The following CHN2 variants were observed in gnomAD, a reference collection of about 807,000 sequenced individuals.
CHN2 encodes the protein chimerin 2.
CHN2 carries 35 observed loss-of-function variants against 56.3 expected under a neutral mutation model. That is an observed-to-expected ratio of 0.62 (90% CI 0.47 to 0.82). CHN2 has a LOEUF of 0.82. Ranked by LOEUF, CHN2 falls within the 40% of genes least tolerant of loss-of-function variation. The probability of loss-of-function intolerance (pLI) is 0.00; values close to 1 mark genes in which losing one functional copy is unlikely to be tolerated. For synonymous variants in CHN2, 210 were observed against 212.8 expected (o/e 0.99, Z 0.12); for missense variants, 491 against 580.5 (o/e 0.85, Z 1.58).
intron 1 of CHN2, among the ~76,000 whole-genome samples, chr7:29,332,329 A>C (rs925068689): frequency 1.3e-5 from 2 of 152,132 alleles, no homozygotes; most frequent in Non-Finnish European, 2.9e-5. Context: ...AGATAATTGT[A>C]AAATACTTAG....
intron 6 of CHN2, among the ~76,000 whole-genome samples, chr7:29,438,243 A>G (rs1159484998): frequency 6.6e-6 from 1 of 152,216 alleles, no homozygotes; most frequent in Non-Finnish European, 1.5e-5. Flanking sequence ...AACCATTAAA[A>G]TTTTTTACCT....
chr7:29,426,328 TA>T (rs1466011588), intron 6 of CHN2, among the ~76,000 whole-genome samples: 1 of 151,380 alleles, frequency 6.6e-6, no homozygotes, highest in Non-Finnish European at 1.5e-5. Context: ...TGGTTAATAA[TA>T]AACAATTATG....
chr7:29,242,759 GAAAAAAAAAA>G (rs57273690), intron 1 of CHN2, among the ~76,000 whole-genome samples: 20,523 of 59,658 alleles, frequency 0.34, 2,162 homozygotes, highest in East Asian at 0.63. Flanking sequence ...CTTTCCTTCT[GAAAAAAAAAA>G]AAAAAAAAAA....
rs542640480 is a variant in CHN2, at chr7:29,254,033, T to A, written c.49+59043T>A. ...GATTCTCCTGCCTCAGCCTCCTGAG[T>A]AGTTGAGATTACAGGCCTGCGCCAC... On this transcript the variant is annotated intron_variant, in intron 1 of 12. Coordinates refer to ENST00000222792, the MANE Select transcript of CHN2 (RefSeq NM_004067.4). Among the ~76,000 whole-genome samples the A allele has an allele frequency of 2.6e-5, 4 of 152,226 alleles. No individual in the cohort carries two copies. In the South Asian group the frequency reaches 8.3e-4, roughly 32 times the overall value.
chr7:29,219,088 G>C (rs570499400), intron 1 of CHN2, among the ~76,000 whole-genome samples: 1 of 152,134 alleles, frequency 6.6e-6, no homozygotes, highest in Admixed American at 6.5e-5. Flanking sequence ...CCTGAATCAC[G>C]AGGAATGGGT....
intron 6 of CHN2, among the ~76,000 whole-genome samples, chr7:29,435,651 T>G (rs1783163255): frequency 6.6e-6 from 1 of 152,176 alleles, no homozygotes. Context: ...TATAATCTTA[T>G]GGACCACCAT....
chr7:29,407,781 C>A (rs1483099386), intron 6 of CHN2, among the ~76,000 whole-genome samples: 2 of 152,196 alleles, frequency 1.3e-5, no homozygotes, highest in Non-Finnish European at 2.9e-5. Context: ...TTGTTTTAAA[C>A]CAGAATTCCC....
intron 11 of CHN2, 48 bp from the exon 12 acceptor site, chr7:29,509,253 T>C: frequency 7.0e-7 from 1 of 1,423,344 alleles, no homozygotes; most frequent in Non-Finnish European, 9.8e-7. Flanking sequence ...CTCTGAAAAC[T>C]TGAATGCCAC....
In CHN2 at chr7:29,445,205, A is replaced by G. The variant is rs1291070997; in HGVS notation, c.577-35074A>G. 1.3e-5 allele frequency: 6 copies of G among 455,402 alleles called. No individual in the cohort carries two copies. In the Admixed American group the frequency reaches 1.4e-4, roughly 11 times the overall value. The allele number at this position is 455,402 out of a possible 1,614,324, so 28.2% of individuals were successfully genotyped here. A position where few individuals can be genotyped will look rare whatever the true frequency, so the allele number is the denominator to read the frequency against. ...GGAGCCCAGACCCACAGAATAAGTA[A>G]GAGTCCCAGCTAGATTCTTATTGGG... On this transcript the variant is annotated intron_variant, in intron 6 of 12. Coordinates refer to ENST00000222792, the MANE Select transcript of CHN2 (RefSeq NM_004067.4).
chr7:29,403,249 A>G (rs1802367326), intron 6 of CHN2, among the ~76,000 whole-genome samples: 1 of 143,602 alleles, frequency 7.0e-6, no homozygotes, highest in African/African-American at 2.6e-5. Context: ...AAAGGCAGTC[A>G]GTGGTCCATT....
intron 2 of CHN2, among the ~76,000 whole-genome samples, chr7:29,158,715 T>A (rs1794767547): frequency 6.6e-6 from 1 of 152,200 alleles, no homozygotes; most frequent in Non-Finnish European, 1.5e-5. Context: ...AATATAAAAG[T>A]GTTCCTGGAG....
intron 1 of CHN2, among the ~76,000 whole-genome samples, chr7:29,273,371 A>ATATATATATATGTG: frequency 2.1e-5 from 1 of 48,656 alleles, no homozygotes; most frequent in Non-Finnish European, 3.7e-5. Flanking sequence ...ATATATATAT[A>ATATATATATATGTG]TATATATATA....
intron 1 of CHN2, among the ~76,000 whole-genome samples, chr7:29,224,560 G>C (rs1250880447): frequency 2.0e-5 from 3 of 152,114 alleles, no homozygotes; most frequent in Non-Finnish European, 2.9e-5. Flanking sequence ...TGTGACCCTA[G>C]TCACTTAATA....
At chr7:29,152,896 A>G (rs944383180) in intron 2 of CHN2, among the ~76,000 whole-genome samples, 1 of 152,208 alleles carries the variant, frequency 6.6e-6, no homozygotes, top group Non-Finnish European at 1.5e-5. Context: ...AGGACCTCAG[A>G]ATTCTTTGCC....
intron 1 of CHN2, among the ~76,000 whole-genome samples, chr7:29,264,822 A>G (rs867314977): frequency 0.13 from 5,767 of 43,760 alleles, 349 homozygotes; most frequent in African/African-American, 0.35. Context: ...TAAAAGGGGA[A>G]AAAAAAAAAA....
chr7:29,320,691 C>G (rs1030009104), intron 1 of CHN2, among the ~76,000 whole-genome samples: 1 of 152,170 alleles, frequency 6.6e-6, no homozygotes, highest in Non-Finnish European at 1.5e-5. Context: ...GTCACCCACA[C>G]TAGATGCCTA....
At chr7:29,317,932 C>A (rs1360566868) in intron 1 of CHN2, among the ~76,000 whole-genome samples, 1 of 152,114 alleles carries the variant, frequency 6.6e-6, no homozygotes, top group Non-Finnish European at 1.5e-5. Flanking sequence ...TGCAGTAAGC[C>A]AAGATAGTGC....
At chr7:29,293,158 C>A (rs1237265843) in intron 1 of CHN2, among the ~76,000 whole-genome samples, 1 of 152,184 alleles carries the variant, frequency 6.6e-6, no homozygotes, top group Non-Finnish European at 1.5e-5. Flanking sequence ...GCCTTCCCTG[C>A]TGTTTCTGAA....
intron 1 of CHN2, among the ~76,000 whole-genome samples, chr7:29,270,492 T>A (rs1183812557): frequency 3.8e-5 from 4 of 105,372 alleles, no homozygotes; most frequent in African/African-American, 7.4e-5. Context: ...CCATCTCTAC[T>A]AAAAAAAAAA....
Sources: allele counts gnomAD v4.1 joint callset (sites outside exome capture counted in the v4.1 genomes callset), GRCh38; gene constraint gnomAD v4.1.1; transcripts MANE v1.5; gene names NCBI Gene and HGNC (gene_info 2026-07-23, HGNC 2026-07-21).